ZNF292: variants seen among roughly 807,000 people sequenced by gnomAD.
The protein encoded by ZNF292 is zinc finger protein 292.
A neutral mutation model predicts 217.9 loss-of-function variants in ZNF292; 26 were observed. The ratio of observed to expected loss-of-function variants is 0.12; its 90% CI spans 0.09 to 0.17. ZNF292 has a LOEUF of 0.17. Ranked by LOEUF, ZNF292 falls within the 10% of genes least tolerant of loss-of-function variation. The pLI is 1.00. For synonymous variants in ZNF292, 1,257 were observed against 1,124.1 expected, an observed-to-expected ratio of 1.12 and a Z score of -2.37; for missense variants, 2,904 against 3,175.2, an observed-to-expected ratio of 0.91 and a Z score of 2.05.
chr6:87,171,523 A>G (rs891499861), intron 1 of ZNF292, among the ~76,000 whole-genome samples: 5 of 152,142 alleles, frequency 3.3e-5, no homozygotes, highest in African/African-American at 9.7e-5. Flanking sequence ...TGCTAGAATT[A>G]CAGAGTAATT....
intron 1 of ZNF292, among the ~76,000 whole-genome samples, chr6:87,161,078 A>G (rs1770738789): frequency 6.6e-6 from 1 of 152,182 alleles, no homozygotes; most frequent in Admixed American, 6.5e-5. Context: ...ATATTTAAGT[A>G]TAATTTATAC....
intron 1 of ZNF292, among the ~76,000 whole-genome samples, chr6:87,194,858 G>A (rs554687962): frequency 4.3e-4 from 65 of 151,838 alleles, no homozygotes; most frequent in Non-Finnish European, 6.6e-4. Context: ...CAAAACAGAT[G>A]GTATTGCAGG....
chr6:87,255,393 C>T lies in ZNF292; in HGVS notation c.1764C>T (p.Val588=), dbSNP rs1423900047. The change falls in exon 8 of 8, where the codon GTC becomes GTT. Residue 588 remains valine, a synonymous_variant. Coordinates refer to ENST00000369577, the MANE Select transcript of ZNF292 (RefSeq NM_015021.3). ...CTAAAGAAACTTTTGTCCCTCATGT[C>T]ACACTGCATGTTAAACAATCTAGTA... ...FNSKETFVPH[V]TLHVKQSSKE... The T allele has an allele frequency of 6.2e-7, 1 of 1,613,726 alleles. No individual in the cohort carries two copies. The highest frequency in any genetic ancestry group is 1.1e-5 in the South Asian group (1 of 91,048).
Position 87,260,696 on chromosome 6 carries a change from C to T in ZNF292, c.7067C>T (p.Pro2356Leu). The T allele has an allele frequency of 6.2e-7, 1 of 1,613,022 alleles. No individual in the cohort carries two copies. Among genetic ancestry groups the T allele is most frequent in the Non-Finnish European group, 8.5e-7 (1 of 1,179,554 alleles). ...AKIVQIEENK[P>L]YSLKRGKHVY... is the part of the protein sequence containing the mutation. ...ATTGTGCAGATTGAAGAAAATAAGCCTTATTCTCTGAAACGTGGGAAGCAT... is the reference window on the plus strand; with the variant it reads ...ATTGTGCAGATTGAAGAAAATAAGCTTTATTCTCTGAAACGTGGGAAGCAT... The change falls in exon 8 of 8, where the codon CCT (proline) becomes CTT (leucine). Residue 2356 changes from proline to leucine, a missense_variant. Pro to Leu is a moderately conservative substitution (Grantham distance 98, BLOSUM62 -3). Around this residue, in one of 15 missense-constraint regions of ZNF292, gnomAD observed 101 missense variants for 89.5 expected, o/e 1.13. Transcript: ENST00000369577.
Position 87,239,127 on chromosome 6 carries a change from C to T in ZNF292, c.742-4348C>T, listed in dbSNP as rs548618938. Among the ~76,000 whole-genome samples the T allele has an allele frequency of 8.2e-3, 1,244 of 152,382 alleles. 5 individuals are homozygous for T. The highest frequency in any genetic ancestry group is 0.029 in the African/African-American group (1,213 of 41,574). On this transcript the variant is annotated intron_variant, in intron 5 of 7. Transcript: ENST00000369577. ...ATCTGATTTCTCTATCTTTTCCCCA[C>T]ATTTCCCCCTTTTCTATTCGACAAA...
chr6:87,241,174 C>T (rs1774265596), intron 5 of ZNF292, among the ~76,000 whole-genome samples: 1 of 152,276 alleles, frequency 6.6e-6, no homozygotes, highest in East Asian at 1.9e-4. Context: ...GTCTCAGCTA[C>T]TCAGGAGGCT....
chr6:87,192,463 A>T (rs1007552993), intron 1 of ZNF292, among the ~76,000 whole-genome samples: 1 of 151,974 alleles, frequency 6.6e-6, no homozygotes, highest in Non-Finnish European at 1.5e-5. Flanking sequence ...CATGTTGTAC[A>T]TTCCAATATA....
intron 4 of ZNF292, among the ~76,000 whole-genome samples, chr6:87,230,708 TGG>T (rs1582461698): frequency 6.7e-6 from 1 of 149,876 alleles, no homozygotes; most frequent in African/African-American, 2.5e-5. Flanking sequence ...CACTCCAACC[TGG>T]GTGACAGAGA....
rs769408368 is a variant in ZNF292, at chr6:87,259,684, T to C, written c.6055T>C (p.Ser2019Pro). ...LAMTEENKKESQPALELRAET... is the reference protein window; with the variant it reads ...LAMTEENKKEPQPALELRAET... ...TATGACAGAGGAAAATAAAAAGGAA[T>C]CTCAGCCTGCTTTAGAATTGAGAGC... Residue 2019 changes from serine (S) to proline (P), a missense_variant, in exon 8 of 8, where the codon TCT becomes CCT. Around this residue, in one of 15 missense-constraint regions of ZNF292, gnomAD observed 261 missense variants for 272.8 expected, o/e 0.96. Transcript: ENST00000369577. 6.3e-7 allele frequency: 1 copy of C among 1,595,618 alleles called. No homozygotes were observed.
At position 87,263,462 on chromosome 6, in the gene ZNF292, A is replaced by G. The variant is rs1359030284; in HGVS notation, c.*1661A>G. 6.6e-6 allele frequency: 1 copy of G among 152,060 alleles called. No homozygotes were observed. Among genetic ancestry groups the G allele is most frequent in the African/African-American group, 2.4e-5 (1 of 41,454 alleles). 9.4% of individuals were successfully genotyped at this position (152,060 alleles called of 1,614,324 possible). The stretch of plus-strand genomic sequence containing the variant: ...CTTACTGAAATCGCTGGTACTCTGA[A>G]TAAATAAGCATGGTCAAGGAGTGAA... On this transcript the variant is annotated 3_prime_UTR_variant, in exon 8 of 8. Coordinates refer to ENST00000369577, the MANE Select transcript of ZNF292 (RefSeq NM_015021.3).
intron 1 of ZNF292, among the ~76,000 whole-genome samples, chr6:87,175,716 C>G (rs773174803): frequency 7.6e-4 from 115 of 152,148 alleles, no homozygotes; most frequent in Non-Finnish European, 1.1e-3. Context: ...CCCAGCAGTT[C>G]AAAGACTATT....
At chr6:87,193,034 C>G (rs1052309966) in intron 1 of ZNF292, among the ~76,000 whole-genome samples, 1 of 152,176 alleles carries the variant, frequency 6.6e-6, no homozygotes, top group Non-Finnish European at 1.5e-5. Flanking sequence ...TTCCTGTTGT[C>G]CCAGCTGGAG....
Position 87,261,618 on chromosome 6 carries a change from T to C in ZNF292, c.7989T>C (p.Ser2663=). ...CCAATCCATCACAGCTTCAGTGCAG[T>C]GATAATGTAAAAATTGTTTTAGACA... The part of the protein sequence containing the change: ...QFANPSQLQC[S]DNVKIVLDKN... Residue 2663 remains serine, a synonymous_variant, in exon 8 of 8, where the codon AGT becomes AGC. Transcript: ENST00000369577. The C allele has an allele frequency of 1.2e-6, 2 of 1,611,092 alleles. No homozygotes were observed. Among genetic ancestry groups the C allele is most frequent in the Non-Finnish European group, 1.7e-6 (2 of 1,178,306 alleles).
Position 87,264,789 on chromosome 6 carries a change from T to C in ZNF292, c.*2988T>C, listed in dbSNP as rs1262593559. On this transcript the variant is annotated 3_prime_UTR_variant, in exon 8 of 8. Transcript: ENST00000369577. Reference sequence around the variant, plus strand: ...TTATTTTGGTTTTTGAAAATTGTTATTGGATGCATGTATATTGAACAATTT... The same window carrying C: ...TTATTTTGGTTTTTGAAAATTGTTACTGGATGCATGTATATTGAACAATTT... Among the ~76,000 whole-genome samples, 2 of 152,190 alleles carry C rather than the reference T, an allele frequency of 1.3e-5. No homozygotes were observed. The highest frequency in any genetic ancestry group is 2.9e-5 in the Non-Finnish European group (2 of 68,036).
Position 87,260,985 on chromosome 6 carries a change from C to A in ZNF292, c.7356C>A (p.Asp2452Glu). The A allele has an allele frequency of 1.2e-6, 2 of 1,607,760 alleles. No individual in the cohort carries two copies. Among genetic ancestry groups the A allele is most frequent in the African/African-American group, 1.3e-5 (1 of 74,898 alleles). The change falls in exon 8 of 8, where the codon GAC becomes GAA. Residue 2452 changes from aspartate to glutamate, a missense_variant. Coordinates refer to ENST00000369577, the MANE Select transcript of ZNF292 (RefSeq NM_015021.3). ...CTAAGAATGATGTGAAAGATTCTGA[C>A]ACGTGTGTATCAGAGAGCAATGATA... ...EGAKNDVKDS[D>E]TCVSESNDNS...
At chr6:87,231,027 T>C (rs1773625216) in intron 4 of ZNF292, among the ~76,000 whole-genome samples, 1 of 152,134 alleles carries the variant, frequency 6.6e-6, no homozygotes, top group South Asian at 2.1e-4. Context: ...TACTCAAAGA[T>C]AAGTCTGAGA....
chr6:87,241,166 C>G (rs920878289), intron 5 of ZNF292, among the ~76,000 whole-genome samples: 1 of 152,144 alleles, frequency 6.6e-6, no homozygotes, highest in African/African-American at 2.4e-5. Flanking sequence ...CACCTGTAGT[C>G]TCAGCTACTC....
intron 1 of ZNF292, among the ~76,000 whole-genome samples, chr6:87,204,389 A>G (rs529157891): frequency 6.6e-6 from 1 of 152,030 alleles, no homozygotes; most frequent in South Asian, 2.1e-4. Flanking sequence ...GGAAATACAT[A>G]CTCTTTGAAG....
chr6:87,255,721 T>G lies in ZNF292; in HGVS notation c.2092T>G (p.Leu698Val). The change falls in exon 8 of 8, where the codon TTA (leucine) becomes GTA (valine). Residue 698 changes from leucine to valine, a missense_variant. By Grantham distance (32) the Leu-to-Val change is conservative. Transcript: ENST00000369577. ...AAAGGGCTTTAAGTACTTTAAAAAT[T>G]TAATTGCTCATGTGAAGGGGCATAA... ...CKKGFKYFKN[L>V]IAHVKGHKDN... 8 of 1,613,390 alleles carry G rather than the reference T, an allele frequency of 5.0e-6. No homozygotes were observed. The highest frequency in any genetic ancestry group is 6.8e-6 in the Non-Finnish European group (8 of 1,179,692).
Sources: allele counts gnomAD v4.1 joint callset (sites outside exome capture counted in the v4.1 genomes callset), GRCh38; gene constraint gnomAD v4.1.1; regional missense constraint gnomAD v4.1.1; transcripts MANE v1.5; gene names NCBI Gene and HGNC (gene_info 2026-07-23, HGNC 2026-07-21).